KDM7A: variants seen among roughly 807,000 people sequenced by gnomAD.
KDM7A encodes lysine-specific demethylase 7A.
In KDM7A, 28 loss-of-function variants were observed where a neutral mutation model predicts 114.8. The observed-to-expected ratio is 0.24, with a 90% confidence interval of 0.18 to 0.33. The LOEUF (loss-of-function observed/expected upper bound fraction) is 0.33. KDM7A is among the 10% of genes least tolerant of loss of function. The pLI is 1.00. For synonymous variants in KDM7A, 423 were observed against 397.8 expected (o/e 1.06, Z -0.75); for missense variants, 942 against 1,142.5 (o/e 0.82, Z 2.53).
intron 9 of KDM7A, among the ~76,000 whole-genome samples, chr7:140,116,760 TAATCTA>T (rs986771286): frequency 1.4e-4 from 22 of 152,198 alleles, no homozygotes; most frequent in African/African-American, 5.3e-4. Flanking sequence ...CAAATTGTGA[TAATCTA>T]AAACAAACAA....
At chr7:140,104,667 C>T (rs947265089) in intron 11 of KDM7A, among the ~76,000 whole-genome samples, 20 of 152,126 alleles carry the variant, frequency 1.3e-4, no homozygotes, top group Non-Finnish European at 1.2e-4. Flanking sequence ...TGTTTTGGTG[C>T]CAGTACCATG....
intron 1 of KDM7A, among the ~76,000 whole-genome samples, chr7:140,147,013 A>G (rs1416150195): frequency 1.3e-5 from 2 of 152,002 alleles, no homozygotes; most frequent in African/African-American, 4.8e-5. Flanking sequence ...TACTCTCCCC[A>G]TTCTTCACTG....
chr7:140,103,760 A>T (rs573678600), intron 11 of KDM7A, among the ~76,000 whole-genome samples: 11 of 152,304 alleles, frequency 7.2e-5, no homozygotes, highest in African/African-American at 2.6e-4. Flanking sequence ...GAATAGTGCC[A>T]CAATAAACAT....
At chr7:140,098,318 T>C (rs1315966430) in intron 14 of KDM7A, among the ~76,000 whole-genome samples, 1 of 152,218 alleles carries the variant, frequency 6.6e-6, no homozygotes, top group African/African-American at 2.4e-5. Context: ...TCCTGAAATA[T>C]ATTGAGAAAC....
intron 9 of KDM7A, among the ~76,000 whole-genome samples, chr7:140,118,600 A>C (rs1329623756): frequency 6.8e-6 from 1 of 146,734 alleles, no homozygotes; most frequent in African/African-American, 2.5e-5. Flanking sequence ...TTTTTTTAGT[A>C]GAGACAGGAT....
chr7:140,127,587 C>A lies in KDM7A; in HGVS notation c.560-4G>T. On this transcript the variant is annotated splice_polypyrimidine_tract_variant and splice_region_variant and intron_variant, in intron 4 of 19. Transcript: ENST00000397560. ...ACATCTATCACTTTGTCACCACCTG[C>A]AGAGAAAAATTACAGTCTTATTATT... The A allele has an allele frequency of 1.2e-6, 2 of 1,612,712 alleles. No homozygotes were observed. The highest frequency in any genetic ancestry group is 1.3e-5 in the African/African-American group (1 of 74,980).
intron 1 of KDM7A, among the ~76,000 whole-genome samples, chr7:140,146,165 A>C (rs1206555022): frequency 1.3e-5 from 2 of 152,234 alleles, no homozygotes; most frequent in Non-Finnish European, 2.9e-5. Context: ...ATCAATAAAA[A>C]CATGAAATCT....
rs752819765 is a variant in KDM7A at position 140,124,580 on chromosome 7, C to G, written c.1051+41G>C. ...CTAGTTAAAAGCCAACTCCATGTGA[C>G]TATCAATCATGTTGAGTAGGGGATG... On this transcript the variant is annotated intron_variant, in intron 7 of 19. Coordinates refer to ENST00000397560, the MANE Select transcript of KDM7A (RefSeq NM_030647.2). 10 of 1,502,870 alleles carry G rather than the reference C, an allele frequency of 6.7e-6. No individual in the cohort carries two copies. In the Admixed American group the frequency reaches 2.1e-4, roughly 31 times the overall value. 93.1% of individuals were successfully genotyped at this position (1,502,870 alleles called of 1,614,324 possible). A position where few individuals can be genotyped will look rare whatever the true frequency, so the allele number is the denominator to read the frequency against.
chr7:140,145,465 A>G (rs1248938626), intron 1 of KDM7A, among the ~76,000 whole-genome samples: 1 of 152,190 alleles, frequency 6.6e-6, no homozygotes, highest in East Asian at 1.9e-4. Flanking sequence ...GACATTTCCG[A>G]GGTAGCATCA....
At chr7:140,119,966 G>A (rs1286192885) in intron 8 of KDM7A, among the ~76,000 whole-genome samples, 2 of 152,276 alleles carry the variant, frequency 1.3e-5, no homozygotes, top group East Asian at 3.9e-4. Flanking sequence ...ACACTCATTA[G>A]ACTACTAGGA....
chr7:140,114,117 T>TGTAAC (rs1818475156), intron 9 of KDM7A, among the ~76,000 whole-genome samples: 1 of 151,184 alleles, frequency 6.6e-6, no homozygotes, highest in Non-Finnish European at 1.5e-5. Flanking sequence ...GAAAGACGTA[T>TGTAAC]GTAACCACTT....
chr7:140,160,575 T>TA (rs923126253), intron 1 of KDM7A, among the ~76,000 whole-genome samples: 7 of 152,212 alleles, frequency 4.6e-5, no homozygotes, highest in Non-Finnish European at 8.8e-5. Context: ...CAGGATGTAA[T>TA]ACCAAGGTAA....
At position 140,139,171 on chromosome 7, in the gene KDM7A, G is replaced by A; in HGVS notation, c.214C>T (p.His72Tyr). The change falls in exon 2 of 20, where the codon CAT becomes TAT. Residue 72 changes from histidine (H) to tyrosine (Y), a missense_variant. His to Tyr is a moderately conservative substitution (Grantham distance 83). This residue lies in a region of KDM7A where 318 missense variants were observed against 453.1 expected (regional missense o/e 0.70). Transcript: ENST00000397560. ...TACAGGTCAATGTCAACAGCATGAT[G>A]TTCTTCTACTCCAACACAGCTAAGA... is the stretch of plus-strand genomic sequence containing the variant. ...FHGSCVGVEEHHAVDIDLYHC... is the reference protein window; with the variant it reads ...FHGSCVGVEEYHAVDIDLYHC... The A allele has an allele frequency of 6.2e-7, 1 of 1,613,080 alleles. No homozygotes were observed. The highest frequency in any genetic ancestry group is 8.5e-7 in the Non-Finnish European group (1 of 1,179,352).
intron 1 of KDM7A, among the ~76,000 whole-genome samples, chr7:140,154,499 TAAAAAAA>T (rs397974321): frequency 1.3e-5 from 1 of 74,318 alleles, no homozygotes; most frequent in Non-Finnish European, 2.9e-5. Flanking sequence ...CTCTTAAAAT[TAAAAAAA>T]AAAAAAAAAA....
intron 7 of KDM7A, among the ~76,000 whole-genome samples, chr7:140,121,028 T>C (rs1331783428): frequency 6.6e-6 from 1 of 152,170 alleles, no homozygotes; most frequent in African/African-American, 2.4e-5. Flanking sequence ...CACACTGGGA[T>C]TGATGGGACA....
In KDM7A at chr7:140,100,001, T is replaced by C; in HGVS notation, c.1661A>G (p.Asn554Ser). The C allele has an allele frequency of 2.5e-6, 4 of 1,614,154 alleles. No homozygotes were observed. The highest frequency in any genetic ancestry group is 3.4e-6 in the Non-Finnish European group (4 of 1,179,946). ...WEEDILSSKL[N>S]GKFNKHLQPS... ...TTGGAGATGTTTGTTGAATTTTCCATTCAGTTTAGAGCTCAAGATGTCCTG... is the reference window on the plus strand; with the variant it reads ...TTGGAGATGTTTGTTGAATTTTCCACTCAGTTTAGAGCTCAAGATGTCCTG... The change falls in exon 13 of 20, where the codon AAT becomes AGT. Residue 554 changes from asparagine to serine, a missense_variant. This residue lies in a region of KDM7A where 512 missense variants were observed against 576.6 expected (regional missense o/e 0.89). Transcript: ENST00000397560.
chr7:140,085,009 AAAAT>A lies in KDM7A; in HGVS notation c.*6081_*6084del, dbSNP rs1469187568. On this transcript the variant is annotated 3_prime_UTR_variant, in exon 20 of 20. Transcript: ENST00000397560. ...TACAAATTTAAAGTAAAACAGAAAC[AAAAT>A]AAATACTGTACACTTTCCCTGCCTG... is the stretch of plus-strand genomic sequence containing the variant. The A allele has an allele frequency of 1.3e-5, 2 of 152,238 alleles. No homozygotes were observed. The highest frequency in any genetic ancestry group is 2.9e-5 in the Non-Finnish European group (2 of 68,034). The allele number at this position is 152,238 out of a possible 1,614,324, so 9.4% of individuals were successfully genotyped here.
intron 11 of KDM7A, among the ~76,000 whole-genome samples, chr7:140,102,735 T>C (rs1818253900): frequency 6.6e-6 from 1 of 152,230 alleles, no homozygotes; most frequent in South Asian, 2.1e-4. Context: ...TTTTCTGACC[T>C]AATACTTACT....
At chr7:140,117,370 C>CAAAA (rs1396452023) in intron 9 of KDM7A, among the ~76,000 whole-genome samples, 1 of 151,946 alleles carries the variant, frequency 6.6e-6, no homozygotes, top group African/African-American at 2.4e-5. Context: ...TTTTGTCTTT[C>CAAAA]AGGTAAAGCT....
Sources: gnomAD v4.1 joint callset for allele counts (sites outside exome capture counted in the v4.1 genomes callset) on GRCh38, gnomAD v4.1.1 for gene constraint, gnomAD v4.1.1 regional missense constraint, MANE v1.5 for transcripts, NCBI Gene and HGNC (gene_info 2026-07-23, HGNC 2026-07-21) for gene names.